The following TPRG1 variants were observed in gnomAD, a reference collection of about 807,000 sequenced individuals.
TPRG1 encodes the protein tumor protein p63 regulated 1.
A neutral mutation model predicts 29.3 loss-of-function variants in TPRG1; 29 were observed. That is an observed-to-expected ratio of 0.99 (90% CI 0.74 to 1.35). The LOEUF (loss-of-function observed/expected upper bound fraction) is 1.35. TPRG1 is among the 40% of genes most tolerant of loss of function. The pLI, the probability that TPRG1 is intolerant of heterozygous loss-of-function variation, is 0.00. For missense variants in TPRG1, 327 were observed against 335.0 expected (o/e 0.98, Z 0.19); for synonymous variants, 130 against 116.8 (o/e 1.11, Z -0.73).
chr3:189,320,595 T>TAACTTTGTGCC, intron 5 of TPRG1, 31 bp from the exon 6 acceptor site: 1 of 1,563,544 alleles, frequency 6.4e-7, no homozygotes, highest in Non-Finnish European at 8.6e-7. Flanking sequence ...CTACAGTAAC[T>TAACTTTGTGCC]AACTTTGTGC....
At chr3:189,118,416 G>A (rs1721429191) in intron 1 of TPRG1, among the ~76,000 whole-genome samples, 1 of 152,192 alleles carries the variant, frequency 6.6e-6, no homozygotes, top group Non-Finnish European at 1.5e-5. Flanking sequence ...ATTTTCTGGG[G>A]AGAATTGCAA....
intron 4 of TPRG1, among the ~76,000 whole-genome samples, chr3:189,149,360 CAG>C (rs1188622309): frequency 2.6e-5 from 4 of 152,188 alleles, no homozygotes; most frequent in Non-Finnish European, 4.4e-5. Flanking sequence ...TGATCTTACT[CAG>C]GGCACGAAAG....
At chr3:189,171,689 A>G (rs1454140239), upstream of TPRG1, among the ~76,000 whole-genome samples, 7 of 152,144 alleles carry the variant, frequency 4.6e-5, no homozygotes, top group Non-Finnish European at 7.4e-5. Context: ...TGTAGGCCTC[A>G]GGCTTAAGCT....
At chr3:189,113,921 T>TAATAAAATAA (rs4011843) in intron 1 of TPRG1, among the ~76,000 whole-genome samples, 27 of 150,418 alleles carry the variant, frequency 1.8e-4, no homozygotes, top group Admixed American at 3.3e-4. Context: ...AGTATAATAA[T>TAATAAAATAA]AATAAAATAA....
upstream of TPRG1, among the ~76,000 whole-genome samples, chr3:189,096,669 G>T (rs1390638941): frequency 6.6e-6 from 1 of 152,296 alleles, no homozygotes; most frequent in African/African-American, 2.4e-5. Flanking sequence ...TTAAAAGTGT[G>T]AAACGTAAAA....
intron 2 of TPRG1, among the ~76,000 whole-genome samples, chr3:189,129,181 C>G (rs1276164518): frequency 1.3e-5 from 2 of 152,156 alleles, no homozygotes; most frequent in East Asian, 3.9e-4. Context: ...TCCCACGTTG[C>G]CTTAGTTGTC....
chr3:189,288,443 A>G (rs1478232403), intron 4 of TPRG1, among the ~76,000 whole-genome samples: 1 of 152,246 alleles, frequency 6.6e-6, no homozygotes, highest in Non-Finnish European at 1.5e-5. Context: ...AATACTATTC[A>G]CCATCTAATT....
intron 4 of TPRG1, among the ~76,000 whole-genome samples, chr3:189,250,046 ACT>A (rs1260296721): frequency 6.6e-6 from 1 of 152,082 alleles, no homozygotes; most frequent in Non-Finnish European, 1.5e-5. Context: ...TACCAAAGAA[ACT>A]CTAATTTTTC....
intron 4 of TPRG1, among the ~76,000 whole-genome samples, chr3:189,261,149 G>A (rs1031144765): frequency 6.6e-6 from 1 of 152,006 alleles, no homozygotes. Flanking sequence ...AGTGTATGCC[G>A]CCCCCAAGGG....
intron 5 of TPRG1, among the ~76,000 whole-genome samples, chr3:189,157,381 A>G (rs528611191): frequency 1.3e-5 from 2 of 152,172 alleles, no homozygotes; most frequent in Non-Finnish European, 2.9e-5. Context: ...CGAGTGGCCA[A>G]TGACTCACAT....
At chr3:189,205,364 T>C (rs149425073) in intron 1 of TPRG1, among the ~76,000 whole-genome samples, 167 of 152,350 alleles carry the variant, frequency 1.1e-3, no homozygotes, top group African/African-American at 3.0e-3. Context: ...TGAACATATA[T>C]ATAGAGCCAC....
chr3:189,133,409 G>A lies in TPRG1; in HGVS notation c.-291+712G>A, dbSNP rs1230326805. Among the ~76,000 whole-genome samples, 3 of 152,258 alleles carry A rather than the reference G, an allele frequency of 2.0e-5. No homozygotes were observed. In the East Asian group the frequency reaches 5.8e-4, roughly 29 times the overall value. ...AATTAATTTTGGCCTGATATGGTTT[G>A]GCTGTGTGTCCCTACTCAAATGCCA... On this transcript the variant is annotated intron_variant, in intron 3 of 6. Coordinates refer to the TPRG1 transcript ENST00000412373.
intron 1 of TPRG1, among the ~76,000 whole-genome samples, chr3:188,998,327 A>G (rs848988): frequency 0.93 from 141,783 of 152,234 alleles, 66,853 homozygotes; most frequent in East Asian, 1. Flanking sequence ...GCTCTGAGAA[A>G]GTTTAGGGAA....
intron 4 of TPRG1, among the ~76,000 whole-genome samples, chr3:189,081,994 G>T (rs1335805648): frequency 6.6e-6 from 1 of 152,142 alleles, no homozygotes; most frequent in African/African-American, 2.4e-5. Flanking sequence ...AAGAGTTGGG[G>T]GTTATTTGAT....
intron 4 of TPRG1, among the ~76,000 whole-genome samples, chr3:189,305,306 G>A (rs1019065225): frequency 6.6e-6 from 1 of 152,186 alleles, no homozygotes; most frequent in Non-Finnish European, 1.5e-5. Context: ...GGACTGACTG[G>A]CATATTTTCT....
At chr3:189,182,668 C>G (rs1434938332) in intron 1 of TPRG1, among the ~76,000 whole-genome samples, 2 of 152,102 alleles carry the variant, frequency 1.3e-5, no homozygotes, top group African/African-American at 4.8e-5. Context: ...TACAAGAACC[C>G]TCAGTGCATA....
At chr3:189,079,759 T>C (rs1251102869) in intron 4 of TPRG1, among the ~76,000 whole-genome samples, 2 of 152,206 alleles carry the variant, frequency 1.3e-5, no homozygotes, top group Non-Finnish European at 1.5e-5. Context: ...TTTATTGGCT[T>C]TCTGGACATA....
intron 3 of TPRG1, among the ~76,000 whole-genome samples, chr3:189,222,500 G>T (rs1226502547): frequency 1.3e-5 from 2 of 152,148 alleles, no homozygotes; most frequent in Non-Finnish European, 2.9e-5. Context: ...TACTCAAAGT[G>T]TAGTCCTGAA....
intron 1 of TPRG1, among the ~76,000 whole-genome samples, chr3:189,108,564 C>T (rs191436897): frequency 3.6e-4 from 53 of 149,154 alleles, no homozygotes; most frequent in East Asian, 1.4e-3. Flanking sequence ...AACAACTGTA[C>T]GGAATGCTGA....
Sources: allele counts gnomAD v4.1 joint callset (sites outside exome capture counted in the v4.1 genomes callset), GRCh38; gene constraint gnomAD v4.1.1; transcripts MANE v1.5; gene names NCBI Gene and HGNC (gene_info 2026-07-23, HGNC 2026-07-21).